CHSY3: variants seen among roughly 807,000 people sequenced by gnomAD.
The protein encoded by CHSY3 is chondroitin sulfate synthase 3.
CHSY3 carries 35 observed loss-of-function variants against 67.2 expected under a neutral mutation model. The ratio of observed to expected loss-of-function variants is 0.52; its 90% CI spans 0.40 to 0.69. CHSY3 has a LOEUF of 0.69. CHSY3 is among the 30% of genes least tolerant of loss of function. CHSY3 has a pLI of 0.00. For synonymous variants in CHSY3, 474 were observed against 434.7 expected (o/e 1.09, Z -1.12); for missense variants, 1,069 against 1,138.5 (o/e 0.94, Z 0.88).
chr5:130,030,954 G>T (rs557032670), intron 2 of CHSY3, among the ~76,000 whole-genome samples: 2 of 152,006 alleles, frequency 1.3e-5, no homozygotes, highest in Non-Finnish European at 2.9e-5. Flanking sequence ...TACAAATCAG[G>T]GATAGTTTTT....
chr5:130,158,301 G>A (rs1368317992), intron 2 of CHSY3, among the ~76,000 whole-genome samples: 1 of 152,338 alleles, frequency 6.6e-6, no homozygotes, highest in East Asian at 1.9e-4. Flanking sequence ...GGTGTGGTGA[G>A]TGGCAGGAGC....
chr5:129,964,884 G>A (rs558354941), intron 2 of CHSY3, among the ~76,000 whole-genome samples: 2 of 151,664 alleles, frequency 1.3e-5, no homozygotes, highest in Non-Finnish European at 2.9e-5. Flanking sequence ...AACACAAAAG[G>A]TTCTTGATTT....
At chr5:130,117,541 G>A (rs2190815) in intron 2 of CHSY3, among the ~76,000 whole-genome samples, 90,602 of 152,016 alleles carry the variant, frequency 0.6, 28,243 homozygotes, top group African/African-American at 0.78. Flanking sequence ...CTTTCTGGGT[G>A]GCTGTTTTTG....
intron 2 of CHSY3, among the ~76,000 whole-genome samples, chr5:129,918,967 C>T (rs1316534919): frequency 4.7e-5 from 7 of 148,294 alleles, no homozygotes; most frequent in African/African-American, 1.5e-4. Context: ...ATTAGCCGGG[C>T]GCGGTGGCGG....
At chr5:130,017,657 C>T (rs1458397157) in intron 2 of CHSY3, among the ~76,000 whole-genome samples, 2 of 151,940 alleles carry the variant, frequency 1.3e-5, no homozygotes, top group Non-Finnish European at 2.9e-5. Flanking sequence ...GTGATGTTTA[C>T]ATTTATTTAT....
At chr5:129,914,729 G>A (rs1026093997) in intron 2 of CHSY3, among the ~76,000 whole-genome samples, 15 of 152,192 alleles carry the variant, frequency 9.9e-5, no homozygotes, top group East Asian at 3.8e-4. Context: ...AGTTGATGGA[G>A]AAGCATGATA....
At chr5:129,979,222 A>AAAAG (rs1762905516) in intron 2 of CHSY3, among the ~76,000 whole-genome samples, 2 of 149,220 alleles carry the variant, frequency 1.3e-5, no homozygotes, top group African/African-American at 2.5e-5. Flanking sequence ...AAAAAAAAAA[A>AAAAG]AAAGAAAGAA....
intron 2 of CHSY3, among the ~76,000 whole-genome samples, chr5:130,090,583 A>G (rs1330703481): frequency 6.6e-6 from 1 of 152,154 alleles, no homozygotes; most frequent in East Asian, 1.9e-4. Context: ...GATAATTTAA[A>G]CATTTTTACC....
In CHSY3 at chr5:130,016,034, A is replaced by G. The variant is rs374599068; in HGVS notation, c.1086+107674A>G. ...ACTTATAAATACAAGCTAAACATTT[A>G]GGACATATTGACACAGAGAAGGGAA... On this transcript the variant is annotated intron_variant, in intron 2 of 2. Coordinates refer to ENST00000305031, the MANE Select transcript of CHSY3 (RefSeq NM_175856.5). 2.6e-5 allele frequency among the ~76,000 whole-genome samples: 4 copies of G among 152,346 alleles called. No individual in the cohort carries two copies. In the East Asian group the frequency reaches 7.7e-4, roughly 29 times the overall value.
intron 2 of CHSY3, among the ~76,000 whole-genome samples, chr5:130,106,609 C>T (rs1263325747): frequency 2.0e-5 from 3 of 151,612 alleles, no homozygotes; most frequent in Non-Finnish European, 4.4e-5. Context: ...TGAGAAAGTA[C>T]TGTTGGTGGG....
intron 2 of CHSY3, among the ~76,000 whole-genome samples, chr5:129,955,174 T>C (rs564021376): frequency 6.6e-6 from 1 of 152,266 alleles, no homozygotes; most frequent in South Asian, 2.1e-4. Flanking sequence ...GCCCATTTTT[T>C]TTAAATGACT....
intron 2 of CHSY3, among the ~76,000 whole-genome samples, chr5:130,095,801 T>C (rs1466481711): frequency 6.6e-6 from 1 of 152,192 alleles, no homozygotes; most frequent in Non-Finnish European, 1.5e-5. Context: ...AAAAAAGTAG[T>C]AACTTGACAG....
In CHSY3 at chr5:130,184,952, T is replaced by C. The variant is rs1770369149; in HGVS notation, c.1810T>C (p.Leu604=). The stretch of plus-strand genomic sequence containing the variant: ...CTTTATATCTAATTCTTTAAAGATA[T>C]TATCTTCTTTTCAAGGTGCCAAAGA... ...FSFISNSLKI[L]SSFQGAKEMG... The change falls in exon 3 of 3, where the codon TTA becomes CTA. Residue 604 remains leucine (L), a synonymous_variant. Coordinates refer to ENST00000305031, the MANE Select transcript of CHSY3 (RefSeq NM_175856.5). 1 of 1,563,432 alleles carries C rather than the reference T, an allele frequency of 6.4e-7. No individual in the cohort carries two copies. Among genetic ancestry groups the C allele is most frequent in the Admixed American group, 1.7e-5 (1 of 59,852 alleles).
At chr5:129,975,222 A>G (rs1762770240) in intron 2 of CHSY3, among the ~76,000 whole-genome samples, 1 of 152,206 alleles carries the variant, frequency 6.6e-6, no homozygotes, top group Non-Finnish European at 1.5e-5. Context: ...AACTTAAAGT[A>G]TAATAAAAAA....
At chr5:130,108,743 G>A (rs1308110114) in intron 2 of CHSY3, among the ~76,000 whole-genome samples, 1 of 151,598 alleles carries the variant, frequency 6.6e-6, no homozygotes, top group East Asian at 1.9e-4. Context: ...CTTTTCATTA[G>A]AACATTCACA....
intron 2 of CHSY3, among the ~76,000 whole-genome samples, chr5:130,155,496 A>G (rs1357660045): frequency 1.3e-5 from 2 of 152,206 alleles, no homozygotes; most frequent in Non-Finnish European, 2.9e-5. Flanking sequence ...CAAACTAGAA[A>G]CGTTTCTTTT....
At chr5:130,015,883 C>T (rs1764205770) in intron 2 of CHSY3, among the ~76,000 whole-genome samples, 1 of 152,116 alleles carries the variant, frequency 6.6e-6, no homozygotes. Context: ...ATATATACTC[C>T]ACGGAATACT....
chr5:129,912,706 G>T (rs1447073079), intron 2 of CHSY3, among the ~76,000 whole-genome samples: 2 of 152,164 alleles, frequency 1.3e-5, no homozygotes, highest in African/African-American at 4.8e-5. Flanking sequence ...TGTGCACCCA[G>T]ACCACAGTAG....
rs144348457 is a variant in CHSY3 at position 130,175,608 on chromosome 5, C to T, written c.1087-8621C>T. Among the ~76,000 whole-genome samples, 487 of 152,262 alleles carry T rather than the reference C, an allele frequency of 3.2e-3. 1 individual carries two copies. Among genetic ancestry groups the T allele is most frequent in the African/African-American group, 0.011 (455 of 41,554 alleles). On this transcript the variant is annotated intron_variant, in intron 2 of 2. Transcript: ENST00000305031. Reference sequence around the variant, plus strand: ...TCATGCTACCTGACTTCAAACTATACTACAAGGCTACAGTAATCCAAACAG... The same window carrying T: ...TCATGCTACCTGACTTCAAACTATATTACAAGGCTACAGTAATCCAAACAG...
Sources: gnomAD v4.1 joint callset for allele counts (sites outside exome capture counted in the v4.1 genomes callset) on GRCh38, gnomAD v4.1.1 for gene constraint, MANE v1.5 for transcripts, NCBI Gene and HGNC (gene_info 2026-07-23, HGNC 2026-07-21) for gene names.